RHOU: variants seen among roughly 807,000 people sequenced by gnomAD.
RHOU encodes the protein rho-related GTP-binding protein RhoU.
RHOU carries 8 observed loss-of-function variants against 12.6 expected under a neutral mutation model. The observed-to-expected ratio is 0.64, with a 90% CI of 0.37 to 1.15. The LOEUF (loss-of-function observed/expected upper bound fraction) is 1.15. RHOU is among the 50% of genes most tolerant of loss of function. The pLI is 0.01. For synonymous variants in RHOU, 161 were observed against 147.4 expected, an observed-to-expected ratio of 1.09 and a Z score of -0.67; for missense variants, 258 against 347.0, an observed-to-expected ratio of 0.74 and a Z score of 2.04.
chr1:228,687,338 G>A, the RHOU span: 1 of 730,948 alleles, frequency 1.4e-6, no homozygotes, highest in Non-Finnish European at 2.4e-6. Flanking sequence ...TTGAAGGAAT[G>A]GTACAAATCA....
chr1:228,741,164 A>G (rs901225980), intron 2 of RHOU, among the ~76,000 whole-genome samples: 4 of 152,102 alleles, frequency 2.6e-5, no homozygotes, highest in African/African-American at 9.6e-5. Flanking sequence ...TGCCCCGCCA[A>G]CCCTGATCAG....
chr1:228,717,218 C>T, the RHOU span, among the ~76,000 whole-genome samples: 2 of 152,152 alleles, frequency 1.3e-5, no homozygotes, highest in African/African-American at 2.4e-5. Context: ...TCCAAAATGC[C>T]TATTTGATAT....
In RHOU at chr1:228,745,130, C is replaced by G. The variant is rs12036237; in HGVS notation, c.*1390C>G. ...AGCCAGGTGCATGCCGGGACCATGG[C>G]CCCCATACTTGGCTGCTTCCTGTGA... On this transcript the variant is annotated 3_prime_UTR_variant, in exon 3 of 3. Transcript: ENST00000366691. 2,765 of 152,280 alleles carry G rather than the reference C, an allele frequency of 0.018. 32 individuals are homozygous for G. The highest frequency in any genetic ancestry group is 0.03 in the African/African-American group (1,254 of 41,544). The allele number at this position is 152,280 out of a possible 1,614,324, so 9.4% of individuals were successfully genotyped here.
At chr1:228,700,207 T>A in the RHOU span, among the ~76,000 whole-genome samples, 3 of 152,246 alleles carry the variant, frequency 2.0e-5, no homozygotes, top group Non-Finnish European at 4.4e-5. Context: ...TGCAAAGCAC[T>A]GTTTATTAGA....
the RHOU span, among the ~76,000 whole-genome samples, chr1:228,707,129 T>TAC: frequency 1.0e-4 from 11 of 105,746 alleles, no homozygotes; most frequent in East Asian, 2.2e-3. Context: ...TATATATACA[T>TAC]ATATATATAT....
Position 228,744,524 on chromosome 1 carries a change from A to G in RHOU, c.*784A>G, listed in dbSNP as rs566304835. 4 of 152,286 alleles carry G rather than the reference A, an allele frequency of 2.6e-5. No individual in the cohort carries two copies. The highest frequency in any genetic ancestry group is 2.0e-4 in the Admixed American group (3 of 15,292). 9.4% of individuals were successfully genotyped at this position (152,286 alleles called of 1,614,324 possible). On this transcript the variant is annotated 3_prime_UTR_variant, in exon 3 of 3. Coordinates refer to ENST00000366691, the MANE Select transcript of RHOU (RefSeq NM_021205.6). ...TGGTTCCTGTGGAGATCAGAAAGTG[A>G]CATTTGCTTTCGGTACTGTAATACG...
At chr1:228,651,667 C>T in the RHOU span, among the ~76,000 whole-genome samples, 2 of 152,188 alleles carry the variant, frequency 1.3e-5, no homozygotes, top group Admixed American at 6.5e-5. Context: ...CAAAGTTCGC[C>T]TTTTCATTTC....
At position 228,743,328 on chromosome 1, in the gene RHOU, A is replaced by T; in HGVS notation, c.365A>T (p.Asp122Val). The T allele has an allele frequency of 6.2e-7, 1 of 1,614,178 alleles. No homozygotes were observed. Among genetic ancestry groups the T allele is most frequent in the Non-Finnish European group, 8.5e-7 (1 of 1,180,022 alleles). Residue 122 changes from aspartate to valine, a missense_variant, in exon 3 of 3, where the codon GAC (aspartate) becomes GTC (valine). Coordinates refer to ENST00000366691, the MANE Select transcript of RHOU (RefSeq NM_021205.6). This position sits in a 1 kb window ranked among gnomAD's most constrained non-coding sequence, Gnocchi z 5.1. ...AGGCCTCTCTGCTACACCAACACAG[A>T]CATCTTCCTGCTCTGCTTCAGTGTC... is the stretch of plus-strand genomic sequence containing the variant. ...KLRPLCYTNT[D>V]IFLLCFSVVS...
At position 228,738,663 on chromosome 1, in the gene RHOU, T is replaced by A. The variant is rs186844391; in HGVS notation, c.321+932T>A. 1.2e-3 allele frequency among the ~76,000 whole-genome samples: 178 copies of A among 152,340 alleles called. 1 individual carries two copies. Among genetic ancestry groups the A allele is most frequent in the Non-Finnish European group, 2.3e-3 (154 of 68,028 alleles). ...CGCCAGAGCTTCCAAGTTGCTCACC[T>A]ACTCTGGGACAGCAGATTCAGAGCT... is the stretch of plus-strand genomic sequence containing the variant. On this transcript the variant is annotated intron_variant, in intron 2 of 2. Coordinates refer to ENST00000366691, the MANE Select transcript of RHOU (RefSeq NM_021205.6). This position sits in a 1 kb window ranked among gnomAD's most constrained non-coding sequence, Gnocchi z 4.2.
At chr1:228,714,215 G>T in the RHOU span, among the ~76,000 whole-genome samples, 2 of 152,064 alleles carry the variant, frequency 1.3e-5, no homozygotes, top group Non-Finnish European at 2.9e-5. Context: ...TCTTAATGCG[G>T]TGTTGAATTC....
At chr1:228,723,402 G>A in the RHOU span, among the ~76,000 whole-genome samples, 595 of 152,294 alleles carry the variant, frequency 3.9e-3, 3 homozygotes, top group Middle Eastern at 0.027. Flanking sequence ...GGTTTGACCC[G>A]GCATGTCATT....
the RHOU span, among the ~76,000 whole-genome samples, chr1:228,661,700 A>G: frequency 6.6e-6 from 1 of 152,224 alleles, no homozygotes; most frequent in Non-Finnish European, 1.5e-5. Context: ...CAAGACTTAA[A>G]CATTAGGCCT....
the RHOU span, among the ~76,000 whole-genome samples, chr1:228,705,121 A>G: frequency 4.0e-5 from 6 of 151,026 alleles, no homozygotes; most frequent in Admixed American, 3.3e-4. Context: ...TTTTTTTTTA[A>G]TGAGGGAATA....
At chr1:228,663,164 T>C in the RHOU span, among the ~76,000 whole-genome samples, 1 of 152,234 alleles carries the variant, frequency 6.6e-6, no homozygotes, top group Non-Finnish European at 1.5e-5. Flanking sequence ...GACAGCGCAG[T>C]TGCACTCATT....
At chr1:228,660,346 GA>G in the RHOU span, among the ~76,000 whole-genome samples, 2 of 133,418 alleles carry the variant, frequency 1.5e-5, no homozygotes, top group Non-Finnish European at 3.1e-5. Context: ...TCTCCTGACC[GA>G]AAAAAATAAA....
chr1:228,685,926 T>C, the RHOU span, among the ~76,000 whole-genome samples: 3 of 152,184 alleles, frequency 2.0e-5, no homozygotes, highest in Non-Finnish European at 4.4e-5. Context: ...TGGAAGCATT[T>C]TTAAAGCCAA....
At chr1:228,736,511 G>A (rs1571888339) in intron 1 of RHOU, among the ~76,000 whole-genome samples, 1 of 152,248 alleles carries the variant, frequency 6.6e-6, no homozygotes, top group Non-Finnish European at 1.5e-5. Flanking sequence ...GAGACGCCGG[G>A]AAAACACTTG....
the RHOU span, among the ~76,000 whole-genome samples, chr1:228,647,419 G>A: frequency 1.3e-5 from 2 of 152,206 alleles, no homozygotes; most frequent in Non-Finnish European, 2.9e-5. Context: ...TACTGGAGTT[G>A]ACACGAAGTG....
rs964278086 is a variant in RHOU, at chr1:228,735,667, C to A, written c.-76C>A. 1.3e-5 allele frequency: 15 copies of A among 1,130,064 alleles called. No homozygotes were observed. Among genetic ancestry groups the A allele is most frequent in the Non-Finnish European group, 1.6e-5 (15 of 913,812 alleles). 70.0% of individuals were successfully genotyped at this position (1,130,064 alleles called of 1,614,324 possible). ...GCTGTCGGTGACAGCTCCTCCCTAC[C>A]GCAACCCTCCGGGGCGGAGGGGCGG... is the stretch of plus-strand genomic sequence containing the variant. On this transcript the variant is annotated 5_prime_UTR_variant, in exon 1 of 3. Transcript: ENST00000366691. This position sits in a 1 kb window ranked among gnomAD's most constrained non-coding sequence, Gnocchi z 8.1.
Sources: allele counts gnomAD v4.1 joint callset (sites outside exome capture counted in the v4.1 genomes callset), GRCh38; gene constraint gnomAD v4.1.1; non-coding constraint Gnocchi (gnomAD v3.1); transcripts MANE v1.5; gene names NCBI Gene and HGNC (gene_info 2026-07-23, HGNC 2026-07-21).